UPF2: variants seen among roughly 807,000 people sequenced by gnomAD.
The protein encoded by UPF2 is UPF2 regulator of nonsense mediated mRNA decay, also known as regulator of nonsense transcripts 2.
Under a neutral mutation model 141.4 loss-of-function variants are expected in UPF2, and 17 were observed. The ratio of observed to expected loss-of-function variants is 0.12; its 90% CI spans 0.08 to 0.18. The LOEUF (loss-of-function observed/expected upper bound fraction) is 0.18, where lower values mean the gene tolerates loss of function less well. Ranked by LOEUF, UPF2 falls within the 10% of genes least tolerant of loss-of-function variation. The pLI, the probability that UPF2 is intolerant of heterozygous loss-of-function variation, is 1.00. For missense variants in UPF2, 1,152 were observed against 1,515.9 expected, an observed-to-expected ratio of 0.76 and a Z score of 3.99; for synonymous variants, 540 against 498.0, an observed-to-expected ratio of 1.08 and a Z score of -1.12.
chr10:11,970,919 A>G (rs1314410861), intron 9 of UPF2, among the ~76,000 whole-genome samples: 1 of 152,014 alleles, frequency 6.6e-6, no homozygotes, highest in African/African-American at 2.4e-5. Context: ...ATCTCCTTGG[A>G]TGACGTTGGA....
intron 5 of UPF2, among the ~76,000 whole-genome samples, chr10:12,002,428 T>G (rs995592671): frequency 6.6e-6 from 1 of 151,896 alleles, no homozygotes; most frequent in African/African-American, 2.4e-5. Context: ...ATGCTAAAGA[T>G]GAGGGGGAAA....
chr10:12,024,950 A>AAAC (rs1834391579), intron 3 of UPF2, among the ~76,000 whole-genome samples: 1 of 150,124 alleles, frequency 6.7e-6, no homozygotes, highest in African/African-American at 2.4e-5. Flanking sequence ...AAAAAAAAAA[A>AAAC]AAAAAAACAC....
In UPF2 at chr10:11,959,116, A is replaced by G; in HGVS notation, c.2370+55T>C. 6.6e-7 allele frequency: 1 copy of G among 1,515,300 alleles called. No individual in the cohort carries two copies. The highest frequency in any genetic ancestry group is 8.8e-7 in the Non-Finnish European group (1 of 1,135,514). 93.9% of individuals were successfully genotyped at this position (1,515,300 alleles called of 1,614,324 possible). ...CTTCTCCTAGACTCTACATAAGCTTAGCACTACCACAAATCTCACGTTAAC... is the reference window on the plus strand; with the variant it reads ...CTTCTCCTAGACTCTACATAAGCTTGGCACTACCACAAATCTCACGTTAAC... On this transcript the variant is annotated intron_variant, in intron 12 of 21. Coordinates refer to ENST00000357604, the MANE Select transcript of UPF2 (RefSeq NM_015542.4). This position sits in a 1 kb window ranked among gnomAD's most constrained non-coding sequence, Gnocchi z 5.9.
chr10:12,017,475 C>G (rs919305981), intron 3 of UPF2, among the ~76,000 whole-genome samples: 3 of 152,172 alleles, frequency 2.0e-5, no homozygotes, highest in Non-Finnish European at 2.9e-5. Flanking sequence ...TGCGCTGAGT[C>G]CATTAAAAGT....
At chr10:11,997,604 G>T in intron 8 of UPF2, 68 bp downstream of exon 8, 1 of 1,376,512 alleles carries the variant, frequency 7.3e-7, no homozygotes, top group Non-Finnish European at 1.0e-6. Context: ...CAAGAGGTAA[G>T]AATTTTGATC....
intron 19 of UPF2, among the ~76,000 whole-genome samples, chr10:11,933,290 C>A (rs1832803505): frequency 6.6e-6 from 1 of 152,144 alleles, no homozygotes; most frequent in South Asian, 2.1e-4. Flanking sequence ...GAATAAAAAT[C>A]AGAACAAAAT....
rs888772604 is a variant in UPF2 at position 11,979,347 on chromosome 10, T to C, written c.1845-182A>G. Among the ~76,000 whole-genome samples the C allele has an allele frequency of 1.3e-5, 2 of 152,244 alleles. No homozygotes were observed. Among genetic ancestry groups the C allele is most frequent in the African/African-American group, 4.8e-5 (2 of 41,462 alleles). On this transcript the variant is annotated intron_variant, in intron 8 of 21. Transcript: ENST00000357604. The surrounding 1 kb of genome is among the most constrained non-coding windows in gnomAD (Gnocchi z 6.2). ...GAAAATTCAATGAGCCTTCTACAAT[T>C]TTATTAATATTCTGGCATTTTCCAT... is the stretch of plus-strand genomic sequence containing the variant.
In UPF2 at chr10:11,955,391, G is replaced by T. The variant is rs775492620; in HGVS notation, c.2691C>A (p.Thr897=). ...AVIFRTLYSF[T]SFGVNPDGSP... ...AGCCATCAGGATTAACACCAAATGA[G>T]GTAAAAGAATACAGAGTTCTGAAAA... is the stretch of plus-strand genomic sequence containing the variant. The change falls in exon 14 of 22, where the codon ACC becomes ACA. Residue 897 remains threonine, a synonymous_variant. Transcript: ENST00000357604. The T allele has an allele frequency of 1.2e-6, 2 of 1,614,092 alleles. No homozygotes were observed. The highest frequency in any genetic ancestry group is 1.7e-6 in the Non-Finnish European group (2 of 1,180,008).
At chr10:11,949,792 T>C (rs1379117376) in intron 15 of UPF2, among the ~76,000 whole-genome samples, 3 of 152,226 alleles carry the variant, frequency 2.0e-5, no homozygotes, top group Admixed American at 2.0e-4. Flanking sequence ...TTTAGTTTTG[T>C]TCTTAAATTA....
chr10:11,951,397 A>T (rs557275366), intron 15 of UPF2, among the ~76,000 whole-genome samples: 37 of 152,310 alleles, frequency 2.4e-4, no homozygotes, highest in African/African-American at 8.7e-4. Context: ...ACAATAAAAC[A>T]TGCTAAGAAC....
chr10:11,982,893 T>C (rs1187116362), intron 8 of UPF2, among the ~76,000 whole-genome samples: 1 of 152,170 alleles, frequency 6.6e-6, no homozygotes, highest in Non-Finnish European at 1.5e-5. Context: ...ATGCTGAAAT[T>C]ACAGACATGA....
At chr10:11,954,351 G>C (rs1188450443) in intron 14 of UPF2, among the ~76,000 whole-genome samples, 1 of 151,778 alleles carries the variant, frequency 6.6e-6, no homozygotes, top group African/African-American at 2.4e-5. Flanking sequence ...AAAAAAATTA[G>C]GCTGGGCACA....
rs1160608013 is a variant in UPF2 at position 11,985,882 on chromosome 10, T to C, written c.1845-6717A>G. Among the ~76,000 whole-genome samples, 191 of 105,910 alleles carry C rather than the reference T, an allele frequency of 1.8e-3. 1 individual carries two copies. The highest frequency in any genetic ancestry group is 8.2e-3 in the African/African-American group (180 of 22,004). The allele number at this position is 105,910 out of a possible 152,430, so 69.5% of individuals were successfully genotyped here. A position where few individuals can be genotyped will look rare whatever the true frequency, so the allele number is the denominator to read the frequency against. On this transcript the variant is annotated intron_variant, in intron 8 of 21. Coordinates refer to ENST00000357604, the MANE Select transcript of UPF2 (RefSeq NM_015542.4). The stretch of plus-strand genomic sequence containing the variant: ...AGCAACTGAAAAATAATTAGATCCT[T>C]CCTTTTTTTTTTTTTTTTGTGAGAC...
chr10:11,997,925 A>G (rs1396700254), intron 7 of UPF2, among the ~76,000 whole-genome samples, 168 bp from the exon 8 acceptor site: 1 of 152,212 alleles, frequency 6.6e-6, no homozygotes, highest in Non-Finnish European at 1.5e-5. Context: ...CAAAAGTAGC[A>G]AGAATAGTTA....
chr10:11,978,684 A>G (rs1030905920), intron 9 of UPF2, among the ~76,000 whole-genome samples: 3 of 152,174 alleles, frequency 2.0e-5, no homozygotes, highest in Non-Finnish European at 2.9e-5. Context: ...CCAAGCACCT[A>G]AAGAAGCATA....
At chr10:11,923,576 G>A (rs1832673409) in intron 21 of UPF2, among the ~76,000 whole-genome samples, 1 of 151,920 alleles carries the variant, frequency 6.6e-6, no homozygotes, top group African/African-American at 2.4e-5. Flanking sequence ...AGCTACTCGG[G>A]AGGCTGAGGC....
At chr10:11,934,455 G>C (rs1832819339) in intron 19 of UPF2, among the ~76,000 whole-genome samples, 1 of 152,224 alleles carries the variant, frequency 6.6e-6, no homozygotes, top group African/African-American at 2.4e-5. Flanking sequence ...GCTGGAGCCT[G>C]GACTGGAGGC....
chr10:12,025,177 C>G (rs1834396923), intron 3 of UPF2, among the ~76,000 whole-genome samples: 1 of 152,042 alleles, frequency 6.6e-6, no homozygotes, highest in Admixed American at 6.6e-5. Flanking sequence ...AAGCCATATG[C>G]CAATTATTTT....
chr10:12,010,096 G>C (rs1381395036), intron 4 of UPF2, among the ~76,000 whole-genome samples: 3 of 152,154 alleles, frequency 2.0e-5, no homozygotes, highest in Non-Finnish European at 4.4e-5. Flanking sequence ...TTAGATTAAA[G>C]GCTGCTCTGG....
Sources: gnomAD v4.1 joint callset for allele counts (sites outside exome capture counted in the v4.1 genomes callset) on GRCh38, gnomAD v4.1.1 for gene constraint, Gnocchi (gnomAD v3.1) non-coding constraint, MANE v1.5 for transcripts, NCBI Gene and HGNC (gene_info 2026-07-23, HGNC 2026-07-21) for gene names.